Variants in ZNF423 observed in about 807,000 individuals in gnomAD.
ZNF423 encodes zinc finger protein 423.
A neutral mutation model predicts 95.8 loss-of-function variants in ZNF423; 12 were observed. The ratio of observed to expected loss-of-function variants is 0.13; its 90% confidence interval spans 0.08 to 0.20. ZNF423 has a LOEUF of 0.20. ZNF423 is among the 10% of genes least tolerant of loss of function. The pLI is 1.00. For missense variants in ZNF423, 1,316 were observed against 1,737.1 expected, an observed-to-expected ratio of 0.76 and a Z score of 4.31; for synonymous variants, 749 against 711.9, an observed-to-expected ratio of 1.05 and a Z score of -0.83.
At chr16:49,628,024 C>A (rs563969013) in intron 4 of ZNF423, among the ~76,000 whole-genome samples, 1 of 151,102 alleles carries the variant, frequency 6.6e-6, no homozygotes, top group East Asian at 2.0e-4. Flanking sequence ...ACATACATAC[C>A]CACCCATCCA....
intron 5 of ZNF423, among the ~76,000 whole-genome samples, chr16:49,607,403 T>C (rs977975343): frequency 6.6e-6 from 1 of 152,210 alleles, no homozygotes; most frequent in Admixed American, 6.5e-5. Context: ...ACTACCTTTT[T>C]CCCAAAGCTA....
intron 5 of ZNF423, among the ~76,000 whole-genome samples, chr16:49,583,480 G>C (rs762374824): frequency 6.6e-6 from 1 of 152,104 alleles, no homozygotes; most frequent in Non-Finnish European, 1.5e-5. Flanking sequence ...ATACATGTGC[G>C]CAAAAATATT....
At chr16:49,565,940 G>C (rs1288094682) in intron 5 of ZNF423, among the ~76,000 whole-genome samples, 1 of 151,394 alleles carries the variant, frequency 6.6e-6, no homozygotes, top group Non-Finnish European at 1.5e-5. Context: ...GGAGGGGAGG[G>C]GTGATAGGAA....
At chr16:49,617,851 C>T (rs941887436) in intron 5 of ZNF423, among the ~76,000 whole-genome samples, 3 of 152,166 alleles carry the variant, frequency 2.0e-5, no homozygotes, top group Non-Finnish European at 4.4e-5. Context: ...TGCTGAGCCA[C>T]ACAGACCCTC....
At chr16:49,595,841 T>C (rs1971163320) in intron 5 of ZNF423, among the ~76,000 whole-genome samples, 1 of 152,206 alleles carries the variant, frequency 6.6e-6, no homozygotes, top group African/African-American at 2.4e-5. Flanking sequence ...GTTTAGTAAA[T>C]AGTTATTACA....
At chr16:49,583,024 A>G (rs571775299) in intron 5 of ZNF423, among the ~76,000 whole-genome samples, 3 of 152,338 alleles carry the variant, frequency 2.0e-5, no homozygotes, top group South Asian at 2.1e-4. Context: ...GACCTACTCA[A>G]AATTGGGCTC....
chr16:49,708,462 G>A (rs1318321801), intron 3 of ZNF423, among the ~76,000 whole-genome samples: 3 of 151,812 alleles, frequency 2.0e-5, no homozygotes, highest in African/African-American at 7.3e-5. Context: ...AATTTTTTTT[G>A]TATTTTTAGT....
intron 1 of ZNF423, among the ~76,000 whole-genome samples, chr16:49,849,782 A>C (rs2035282669): frequency 6.6e-6 from 1 of 152,232 alleles, no homozygotes; most frequent in South Asian, 2.1e-4. Flanking sequence ...TTACCTCCAA[A>C]GTCAACTTGG....
chr16:49,811,660 G>A (rs1375210723), intron 1 of ZNF423, among the ~76,000 whole-genome samples: 1 of 152,118 alleles, frequency 6.6e-6, no homozygotes, highest in Admixed American at 6.5e-5. Flanking sequence ...AGCCATTTCC[G>A]GGCCCAGAAG....
intron 3 of ZNF423, among the ~76,000 whole-genome samples, chr16:49,725,272 C>T (rs904896395): frequency 1.3e-5 from 2 of 152,128 alleles, no homozygotes; most frequent in Non-Finnish European, 2.9e-5. Context: ...GTGGTCCTAG[C>T]TCAGGAGGCT....
In ZNF423 at chr16:49,637,510, G is replaced by C. The variant is rs1341385770; in HGVS notation, c.1666C>G (p.Leu556Val). The C allele has an allele frequency of 6.2e-7, 1 of 1,614,130 alleles. No homozygotes were observed. Residue 556 changes from leucine to valine, a missense_variant, in exon 4 of 8, where the codon CTA becomes GTA. Leu to Val is a conservative substitution (Grantham distance 32). Coordinates refer to ENST00000563137, the MANE Select transcript of ZNF423 (RefSeq NM_001379286.1). This position sits in a 1 kb window ranked among gnomAD's most constrained non-coding sequence, Gnocchi z 5.6. ...QAHCSVGSAK[L>V]ESPVVQPTQS... ...GTGGGCTGCACCACCGGAGACTCTA[G>C]TTTGGCACTGCCCACACTGCAGTGG...
rs1173336055 is a variant in ZNF423 at position 49,853,600 on chromosome 16, T to C, written c.40+2135A>G. ...TGCCTCCACTGGTCTCCTGTTCACC[T>C]TGCTGCCTTTCTCCTACCAACCTGC... On this transcript the variant is annotated intron_variant, in intron 1 of 7. Coordinates refer to ENST00000563137, the MANE Select transcript of ZNF423 (RefSeq NM_001379286.1). 53 of 982,378 alleles carry C rather than the reference T, an allele frequency of 5.4e-5. 1 individual carries two copies. Among genetic ancestry groups the C allele is most frequent in the Middle Eastern group, 1.0e-3 (2 of 1,936 alleles). 60.9% of individuals were successfully genotyped at this position (982,378 alleles called of 1,614,324 possible). A position where few individuals can be genotyped will look rare whatever the true frequency, so the allele number is the denominator to read the frequency against.
At chr16:49,822,716 C>G in intron 1 of ZNF423, 1 of 1,609,016 alleles carries the variant, frequency 6.2e-7, no homozygotes, top group Non-Finnish European at 8.5e-7. Context: ...AGGGTAAAAT[C>G]CATCCTTCTC....
Position 49,658,542 on chromosome 16 carries a change from C to A in ZNF423, c.302-19668G>T, listed in dbSNP as rs555641094. On this transcript the variant is annotated intron_variant, in intron 3 of 7. Transcript: ENST00000563137. ...TGGACTTTGTAGCTGGGCTGTTGAGCCTCATGGCTGAAGGCTGCCCCAGCC... is the reference window on the plus strand; with the variant it reads ...TGGACTTTGTAGCTGGGCTGTTGAGACTCATGGCTGAAGGCTGCCCCAGCC... Among the ~76,000 whole-genome samples the A allele has an allele frequency of 1.4e-3, 207 of 152,370 alleles. 1 individual carries two copies. Among genetic ancestry groups the A allele is most frequent in the African/African-American group, 4.6e-3 (191 of 41,594 alleles).
intron 5 of ZNF423, among the ~76,000 whole-genome samples, chr16:49,613,712 A>C (rs1159498319): frequency 2.6e-5 from 4 of 152,208 alleles, no homozygotes; most frequent in Non-Finnish European, 5.9e-5. Context: ...CTCTAAAAAC[A>C]AACAAAGCAA....
intron 5 of ZNF423, among the ~76,000 whole-genome samples, chr16:49,557,057 G>A (rs1433969525): frequency 6.6e-6 from 1 of 152,162 alleles, no homozygotes; most frequent in Admixed American, 6.5e-5. Flanking sequence ...CCATTTTGGT[G>A]CCCGCTGTCA....
intron 3 of ZNF423, among the ~76,000 whole-genome samples, chr16:49,691,646 G>A (rs2031785648): frequency 6.6e-6 from 1 of 151,996 alleles, no homozygotes; most frequent in Non-Finnish European, 1.5e-5. Context: ...GCAGGAGAAT[G>A]GCGTGAACCT....
At chr16:49,842,402 AAGGAAGGAAGGCAGGCAGGCAGGCAGGC>A (rs199787818) in intron 1 of ZNF423, among the ~76,000 whole-genome samples, 16,520 of 123,804 alleles carry the variant, frequency 0.13, 1,548 homozygotes, top group Middle Eastern at 0.21. Flanking sequence ...GGAAGGAAGG[AAGGAAGGAAGGCAGGCAGGCAGGCAGGC>A]AGGCAGGCAG....
chr16:49,558,687 C>T (rs1261417593), intron 5 of ZNF423, among the ~76,000 whole-genome samples: 1 of 152,208 alleles, frequency 6.6e-6, no homozygotes, highest in Non-Finnish European at 1.5e-5. Context: ...CACACACATC[C>T]CACGTCCACA....
Sources: allele counts gnomAD v4.1 joint callset (sites outside exome capture counted in the v4.1 genomes callset), GRCh38; gene constraint gnomAD v4.1.1; non-coding constraint Gnocchi (gnomAD v3.1); transcripts MANE v1.5; gene names NCBI Gene and HGNC (gene_info 2026-07-23, HGNC 2026-07-21).